Variants in TNRC6A observed in about 807,000 individuals in gnomAD.
The protein encoded by TNRC6A is trinucleotide repeat containing adaptor 6A.
A neutral mutation model predicts 221.2 loss-of-function variants in TNRC6A; 44 were observed. The observed-to-expected ratio is 0.20, with a 90% CI of 0.16 to 0.26. The LOEUF (loss-of-function observed/expected upper bound fraction) is 0.26, where lower values mean the gene tolerates loss of function less well. TNRC6A is among the 10% of genes least tolerant of loss of function. TNRC6A has a pLI of 1.00. For synonymous variants in TNRC6A, 847 were observed against 838.5 expected, an observed-to-expected ratio of 1.01 and a Z score of -0.18; for missense variants, 2,199 against 2,404.4, an observed-to-expected ratio of 0.91 and a Z score of 1.79.
intron 2 of TNRC6A, among the ~76,000 whole-genome samples, chr16:24,716,990 TTG>T (rs1567383378): frequency 6.8e-6 from 1 of 147,858 alleles, no homozygotes; most frequent in African/African-American, 2.5e-5. Context: ...AAAAGAAAAC[TTG>T]AATGAATGAA....
At chr16:24,650,767 C>G (rs1392713480) in intron 2 of TNRC6A, among the ~76,000 whole-genome samples, 1 of 152,068 alleles carries the variant, frequency 6.6e-6, no homozygotes, top group Non-Finnish European at 1.5e-5. Flanking sequence ...AACACGCACA[C>G]GCCTGCCATG....
rs1392928948 is a variant in TNRC6A at position 24,789,696 on chromosome 16, T to C, written c.1054T>C (p.Ser352Pro). 5 of 1,614,168 alleles carry C rather than the reference T, an allele frequency of 3.1e-6. No homozygotes were observed. The highest frequency in any genetic ancestry group is 1.7e-5 in the Admixed American group (1 of 60,032). The stretch of plus-strand genomic sequence containing the variant: ...TGCTTGGGGCACTGTAAGTTCTTCA[T>C]CAAATGGAGGGTTAAATCCAAGCAC... ...MNAWGTVSSS[S>P]NGGLNPSTLN... is the part of the protein sequence containing the mutation. Residue 352 changes from serine to proline, a missense_variant, in exon 6 of 25, where the codon TCA (serine) becomes CCA (proline). Ser to Pro is a moderately conservative substitution (Grantham distance 74). Coordinates refer to ENST00000395799, the MANE Select transcript of TNRC6A (RefSeq NM_014494.4).
chr16:24,772,990 A>T lies in TNRC6A; in HGVS notation c.164-3943A>T, dbSNP rs7203894. On this transcript the variant is annotated intron_variant, in intron 4 of 24. Transcript: ENST00000395799. Reference sequence around the variant, plus strand: ...TATAGATTTGAACATAAATATATTAATTGCCGAAGGTTATTTTTTTCCATT... The same window carrying T: ...TATAGATTTGAACATAAATATATTATTTGCCGAAGGTTATTTTTTTCCATT... Among the ~76,000 whole-genome samples the T allele has an allele frequency of 8.6e-3, 1,308 of 152,216 alleles. 22 individuals are homozygous for T. The highest frequency in any genetic ancestry group is 0.03 in the African/African-American group (1,242 of 41,502).
At chr16:24,798,685 A>G (rs556809734) in intron 11 of TNRC6A, among the ~76,000 whole-genome samples, 2 of 152,352 alleles carry the variant, frequency 1.3e-5, no homozygotes, top group East Asian at 1.9e-4. Context: ...CTTGGAATCA[A>G]CAAAAATTGA....
chr16:24,653,749 C>G (rs1902795821), intron 2 of TNRC6A, among the ~76,000 whole-genome samples: 1 of 150,146 alleles, frequency 6.7e-6, no homozygotes, highest in Non-Finnish European at 1.5e-5. Context: ...CACTGTATTC[C>G]AGCCTAGAGT....
intron 1 of TNRC6A, among the ~76,000 whole-genome samples, chr16:24,625,639 T>G (rs1232383976): frequency 6.8e-6 from 1 of 146,766 alleles, no homozygotes; most frequent in Non-Finnish European, 1.5e-5. Context: ...GGCAGGAGAA[T>G]GGCGTGAACC....
chr16:24,611,267 TTGG>T (rs1255619472), intron 1 of TNRC6A, among the ~76,000 whole-genome samples: 2 of 152,214 alleles, frequency 1.3e-5, no homozygotes, highest in Admixed American at 1.3e-4. Flanking sequence ...TTCTAAGGAC[TTGG>T]TGATTGGAAA....
intron 2 of TNRC6A, among the ~76,000 whole-genome samples, chr16:24,647,017 C>CT (rs1567322544): frequency 0.04 from 2 of 50 alleles, no homozygotes; most frequent in Non-Finnish European, 0.045. Context: ...CAGTTTTGAC[C>CT]TCCTGGGCTC....
chr16:24,620,837 G>A lies in TNRC6A; in HGVS notation n.276+10353G>A, dbSNP rs557330521. On this transcript the variant is annotated intron_variant and non_coding_transcript_variant, in intron 1 of 2. Transcript: ENST00000566108. ...GCAGTGGCTCACGCCTGTAATCCCAGCACTTTGGGAGGCCGAGGCGGGTGG... is the reference window on the plus strand; with the variant it reads ...GCAGTGGCTCACGCCTGTAATCCCAACACTTTGGGAGGCCGAGGCGGGTGG... Among the ~76,000 whole-genome samples the A allele has an allele frequency of 1.3e-4, 20 of 151,994 alleles. No individual in the cohort carries two copies. The South Asian group carries it at 1.5e-3, about 11-fold the overall frequency.
intron 1 of TNRC6A, among the ~76,000 whole-genome samples, chr16:24,625,779 G>A (rs1900953144): frequency 1.3e-5 from 2 of 151,366 alleles, no homozygotes; most frequent in Admixed American, 6.6e-5. Context: ...CGGGGTGGTG[G>A]CGGGCGCTTG....
chr16:24,610,966 A>T (rs929012358), intron 1 of TNRC6A, among the ~76,000 whole-genome samples: 2 of 151,858 alleles, frequency 1.3e-5, no homozygotes, highest in African/African-American at 4.8e-5. Context: ...GCCCACCGCC[A>T]CACCCGTCTA....
At chr16:24,623,941 A>G (rs1308311504) in intron 1 of TNRC6A, among the ~76,000 whole-genome samples, 1 of 143,718 alleles carries the variant, frequency 7.0e-6, no homozygotes, top group East Asian at 2.1e-4. Flanking sequence ...GAATTTCAAG[A>G]GGATGGCAAC....
chr16:24,790,522 A>G lies in TNRC6A; in HGVS notation c.1880A>G (p.Asn627Ser), dbSNP rs1251883781. Residue 627 changes from asparagine (N) to serine (S), a missense_variant, in exon 6 of 25, where the codon AAT becomes AGT. By Grantham distance (46) the Asn-to-Ser change is conservative (BLOSUM62 1). Transcript: ENST00000395799. ...WNKLPSNQHS[N>S]DSANGNGKTF... is the part of the protein sequence containing the mutation. ...AAACTGCCTAGCAATCAGCATTCCA[A>G]TGATAGTGCAAATGGCAATGGTAAG... 6.2e-6 allele frequency: 10 copies of G among 1,614,228 alleles called. No homozygotes were observed. Among genetic ancestry groups the G allele is most frequent in the Non-Finnish European group, 7.6e-6 (9 of 1,180,038 alleles).
intron 2 of TNRC6A, among the ~76,000 whole-genome samples, chr16:24,723,591 C>CAAAA (rs71383707): frequency 7.1e-6 from 1 of 140,408 alleles, no homozygotes. Flanking sequence ...AAGACTCTGT[C>CAAAA]AAAAAAAAAA....
At chr16:24,764,383 G>C (rs1223200745) in intron 4 of TNRC6A, among the ~76,000 whole-genome samples, 2 of 150,556 alleles carry the variant, frequency 1.3e-5, no homozygotes, top group Non-Finnish European at 3.0e-5. Context: ...CTGGAGTGCA[G>C]TGGCATGATC....
chr16:24,655,780 G>A (rs936612973), intron 2 of TNRC6A, among the ~76,000 whole-genome samples: 12 of 151,966 alleles, frequency 7.9e-5, no homozygotes, highest in Non-Finnish European at 1.0e-4. Context: ...CAGTCTGAAC[G>A]AACAAAATAC....
chr16:24,808,940 G>GACT (rs1050495653), intron 17 of TNRC6A, among the ~76,000 whole-genome samples: 20 of 152,264 alleles, frequency 1.3e-4, no homozygotes, highest in African/African-American at 4.6e-4. Context: ...ATCAGCAAAG[G>GACT]TCAAGTAAAT....
At chr16:24,624,867 A>C (rs1057014634) in intron 1 of TNRC6A, among the ~76,000 whole-genome samples, 1 of 152,206 alleles carries the variant, frequency 6.6e-6, no homozygotes, top group Non-Finnish European at 1.5e-5. Flanking sequence ...AACATCAGTC[A>C]CCGAACAGAG....
At chr16:24,671,502 T>G (rs570847075) in intron 2 of TNRC6A, among the ~76,000 whole-genome samples, 8 of 152,344 alleles carry the variant, frequency 5.3e-5, no homozygotes, top group African/African-American at 1.7e-4. Flanking sequence ...ATCCGTGATG[T>G]GCCAGACACT....
Sources: gnomAD v4.1 joint callset for allele counts (sites outside exome capture counted in the v4.1 genomes callset) on GRCh38, gnomAD v4.1.1 for gene constraint, MANE v1.5 for transcripts, NCBI Gene and HGNC (gene_info 2026-07-23, HGNC 2026-07-21) for gene names.